The following C4orf17 variants were observed in gnomAD, a reference collection of about 807,000 sequenced individuals.
C4orf17 encodes uncharacterized protein C4orf17.
Under a neutral mutation model 32.0 loss-of-function variants are expected in C4orf17, and 25 were observed. That is an observed-to-expected ratio of 0.78 (90% CI 0.57 to 1.09). The LOEUF is 1.09. Among genes scored for constraint, C4orf17 ranks in the 50% least tolerant of loss-of-function variants. The probability of loss-of-function intolerance (pLI) is 0.00; values close to 1 mark genes in which losing one functional copy is unlikely to be tolerated. For missense variants in C4orf17, 420 were observed against 420.0 expected, an observed-to-expected ratio of 1.00 and a Z score of 0.00; for synonymous variants, 149 against 145.8, an observed-to-expected ratio of 1.02 and a Z score of -0.16.
chr4:99,513,323 A>G, intron 2 of C4orf17, 115 bp downstream of exon 2: 3 of 1,327,732 alleles, frequency 2.3e-6, no homozygotes, highest in Middle Eastern at 2.1e-4. Context: ...CTGGAGAGGT[A>G]TGGGAATTGA....
In C4orf17 at chr4:99,524,580, A is replaced by G. The variant is rs565074922; in HGVS notation, c.397A>G (p.Lys133Glu). ...KTSSENPLVIKKEEIKAKRPP... is the reference protein window; with the variant it reads ...KTSSENPLVIEKEEIKAKRPP... ...TTCCAGTGAGAATCCCTTAGTAATT[A>G]AAAAGGTAAGGAACAGCTATTTACT... The change falls in exon 4 of 9, where the codon AAA becomes GAA. Residue 133 changes from lysine to glutamate, a missense_variant. By Grantham distance (56) the Lys-to-Glu change is moderately conservative (BLOSUM62 1). Coordinates refer to ENST00000326581, the MANE Select transcript of C4orf17 (RefSeq NM_032149.3). 2 of 1,591,918 alleles carry G rather than the reference A, an allele frequency of 1.3e-6. No individual in the cohort carries two copies. Among genetic ancestry groups the G allele is most frequent in the African/African-American group, 2.7e-5 (2 of 74,044 alleles).
intron 8 of C4orf17, 77 bp downstream of exon 8, chr4:99,540,532 T>A: frequency 1.1e-6 from 1 of 923,512 alleles, no homozygotes; most frequent in Non-Finnish European, 1.7e-6. Flanking sequence ...GAACAGATTT[T>A]AAGGATCAGT....
intron 4 of C4orf17, among the ~76,000 whole-genome samples, chr4:99,524,787 C>T (rs1723358979): frequency 6.6e-6 from 1 of 152,158 alleles, no homozygotes; most frequent in Non-Finnish European, 1.5e-5. Context: ...TGGGAAACTA[C>T]CACTGCAGTC....
intron 2 of C4orf17, among the ~76,000 whole-genome samples, chr4:99,521,114 C>G (rs997663262): frequency 6.6e-6 from 1 of 152,186 alleles, no homozygotes; most frequent in Non-Finnish European, 1.5e-5. Flanking sequence ...TGGCTCACGC[C>G]TGTAATCCCA....
intron 5 of C4orf17, among the ~76,000 whole-genome samples, chr4:99,531,496 G>A (rs966893155): frequency 6.6e-6 from 1 of 152,090 alleles, no homozygotes; most frequent in African/African-American, 2.4e-5. Flanking sequence ...CTATAGAGCT[G>A]GCTTTCTGGG....
intron 5 of C4orf17, 90 bp from the exon 6 acceptor site, chr4:99,537,579 G>A: frequency 5.6e-6 from 5 of 893,704 alleles, no homozygotes; most frequent in Non-Finnish European, 9.2e-6. Flanking sequence ...AGTGATATTT[G>A]GGAAGATGGG....
At chr4:99,522,396 T>G in intron 2 of C4orf17, 104 bp from the exon 3 acceptor site, 1 of 883,288 alleles carries the variant, frequency 1.1e-6, no homozygotes, top group Non-Finnish European at 1.8e-6. Flanking sequence ...TTACATACAT[T>G]TAATGATATT....
chr4:99,524,065 C>T (rs1356506609), intron 3 of C4orf17, among the ~76,000 whole-genome samples: 4 of 150,296 alleles, frequency 2.7e-5, no homozygotes, highest in South Asian at 2.1e-4. Context: ...CTGCAAACTC[C>T]ACCTCCTGGG....
intron 4 of C4orf17, among the ~76,000 whole-genome samples, chr4:99,526,451 T>C (rs958849203): frequency 6.6e-6 from 1 of 152,154 alleles, no homozygotes; most frequent in Admixed American, 6.5e-5. Flanking sequence ...TCTTATAAAG[T>C]CTTTTTGTGG....
In C4orf17 at chr4:99,529,923, A is replaced by G. The variant is rs142676237; in HGVS notation, c.511A>G (p.Ile171Val). The change falls in exon 5 of 9, where the codon ATT (isoleucine) becomes GTT (valine). Residue 171 changes from isoleucine (I) to valine (V), a missense_variant. Physicochemically the swap from Ile to Val is conservative, Grantham distance 29 (BLOSUM62 3). Transcript: ENST00000326581. ...CAAGAATGATGTGAAAGCAAACACCATTTGCATACCAAACTATCTGGATCA... is the reference window on the plus strand; with the variant it reads ...CAAGAATGATGTGAAAGCAAACACCGTTTGCATACCAAACTATCTGGATCA... ...STKNDVKANT[I>V]CIPNYLDQEI... 115 of 1,612,766 alleles carry G rather than the reference A, an allele frequency of 7.1e-5. No individual in the cohort carries two copies. In the South Asian group the frequency reaches 1.2e-3, roughly 17 times the overall value.
chr4:99,513,626 T>G (rs1723131637), intron 2 of C4orf17, among the ~76,000 whole-genome samples: 1 of 152,186 alleles, frequency 6.6e-6, no homozygotes, highest in Non-Finnish European at 1.5e-5. Flanking sequence ...CCTTCTGTCT[T>G]GTCTTTTCTC....
intron 2 of C4orf17, among the ~76,000 whole-genome samples, chr4:99,521,182 T>A (rs967748181): frequency 6.6e-6 from 1 of 151,966 alleles, no homozygotes; most frequent in Non-Finnish European, 1.5e-5. Context: ...GACCAGCCTG[T>A]CCAACATGGT....
intron 6 of C4orf17, among the ~76,000 whole-genome samples, chr4:99,538,043 C>G (rs989516235): frequency 6.6e-6 from 1 of 152,202 alleles, no homozygotes; most frequent in Non-Finnish European, 1.5e-5. Flanking sequence ...TATGCTCCTC[C>G]AGAGTCCACA....
In C4orf17 at chr4:99,518,587, AGG is replaced by A. The variant is rs1352931524; in HGVS notation, c.128-3911_128-3910del. Among the ~76,000 whole-genome samples, 663 of 111,708 alleles carry A rather than the reference AGG, an allele frequency of 5.9e-3. 23 individuals carry two copies. Among genetic ancestry groups the A allele is most frequent in the African/African-American group, 0.024 (592 of 24,930 alleles). 73.3% of individuals were successfully genotyped at this position (111,708 alleles called of 152,430 possible). On this transcript the variant is annotated intron_variant, in intron 2 of 8. Coordinates refer to ENST00000326581, the MANE Select transcript of C4orf17 (RefSeq NM_032149.3). ...GAGAGAGAGAGAGAGAGAGAGAGGG[AGG>A]GAGACAGAGAGAGAGAGAGACTGTT... is the stretch of plus-strand genomic sequence containing the variant.
At chr4:99,518,508 AAAAAAAAAAAATATATAT>A (rs1291699738) in intron 2 of C4orf17, among the ~76,000 whole-genome samples, 6 of 70,628 alleles carry the variant, frequency 8.5e-5, no homozygotes, top group African/African-American at 5.3e-4. Flanking sequence ...AAAAAAAAAA[AAAAAAAAAAAATATATAT>A]ATATATATAT....
rs1196059191 is a variant in C4orf17 at position 99,522,622 on chromosome 4, C to T, written c.250C>T (p.Pro84Ser). The T allele has an allele frequency of 4.3e-6, 7 of 1,613,782 alleles. No individual in the cohort carries two copies. Among genetic ancestry groups the T allele is most frequent in the Non-Finnish European group, 5.1e-6 (6 of 1,179,900 alleles). The change falls in exon 3 of 9, where the codon CCC becomes TCC. Residue 84 changes from proline to serine, a missense_variant. Pro to Ser is a moderately conservative substitution (Grantham distance 74). Coordinates refer to ENST00000326581, the MANE Select transcript of C4orf17 (RefSeq NM_032149.3). The part of the protein sequence containing the change: ...NRIPFANCSY[P>S]SSTAVQESPV... The stretch of plus-strand genomic sequence containing the variant: ...GATACCATTTGCCAATTGCAGTTAC[C>T]CCTCCAGCACTGCAGTCCAGGAGAG...
At chr4:99,532,343 A>G (rs746270251) in intron 5 of C4orf17, among the ~76,000 whole-genome samples, 5 of 152,218 alleles carry the variant, frequency 3.3e-5, no homozygotes, top group Non-Finnish European at 4.4e-5. Flanking sequence ...AATGTGGTAC[A>G]TATACACCAT....
At chr4:99,538,172 C>A (rs1215849224) in intron 6 of C4orf17, among the ~76,000 whole-genome samples, 1 of 152,208 alleles carries the variant, frequency 6.6e-6, no homozygotes, top group Non-Finnish European at 1.5e-5. Context: ...AACAGCTCTG[C>A]CATTTGCCCA....
chr4:99,524,165 T>C (rs879382102), intron 3 of C4orf17, among the ~76,000 whole-genome samples: 1 of 151,918 alleles, frequency 6.6e-6, no homozygotes, highest in Non-Finnish European at 1.5e-5. Flanking sequence ...TATTTTTTAG[T>C]GGAGATGGGA....
Sources: gnomAD v4.1 joint callset for allele counts (sites outside exome capture counted in the v4.1 genomes callset) on GRCh38, gnomAD v4.1.1 for gene constraint, MANE v1.5 for transcripts, NCBI Gene and HGNC (gene_info 2026-07-23, HGNC 2026-07-21) for gene names.